The following CDH18 variants were observed in gnomAD, a reference collection of about 807,000 sequenced individuals.
The protein encoded by CDH18 is cadherin-18.
In CDH18, 31 loss-of-function variants were observed where a neutral mutation model predicts 67.9. That is an observed-to-expected ratio of 0.46 (90% CI 0.34 to 0.62). The LOEUF (loss-of-function observed/expected upper bound fraction) is 0.62, where lower values mean the gene tolerates loss of function less well. CDH18 is among the 20% of genes least tolerant of loss of function. The pLI is 0.01. For missense variants in CDH18, 890 were observed against 975.5 expected (o/e 0.91, Z 1.17); for synonymous variants, 362 against 347.2 (o/e 1.04, Z -0.48).
At chr5:19,935,856 A>T (rs1413717314) in intron 2 of CDH18, among the ~76,000 whole-genome samples, 1 of 140,744 alleles carries the variant, frequency 7.1e-6, no homozygotes, top group African/African-American at 2.7e-5. Flanking sequence ...ATGTCTTCTC[A>T]ATGCTCATTT....
rs1309212368 is a variant in CDH18 at position 20,042,965 on chromosome 5, A to AT, written c.-517-50952_-517-50951insA. Among the ~76,000 whole-genome samples, 5 of 149,216 alleles carry AT rather than the reference A, an allele frequency of 3.4e-5. No homozygotes were observed. In the South Asian group the frequency reaches 1.1e-3, roughly 32 times the overall value. On this transcript the variant is annotated intron_variant, in intron 2 of 14. Transcript: ENST00000507958. ...CGACAGAGCCAGACTCCGTCTCAAAAAAATTAATTAATTAATTAATTAATT... is the reference window on the plus strand; with the variant it reads ...CGACAGAGCCAGACTCCGTCTCAAAATAAATTAATTAATTAATTAATTAATT...
At position 19,530,938 on chromosome 5, in the gene CDH18, C is replaced by T. The variant is rs372485674; in HGVS notation, c.1391-10160G>A. 5.6e-4 allele frequency among the ~76,000 whole-genome samples: 85 copies of T among 152,228 alleles called. 2 individuals carry two copies. In the East Asian group the frequency reaches 0.013, roughly 23 times the overall value. ...CAATGCCTCGCCCTGCTTCGGCTCG[C>T]GCATGGTGTGCTGCACCCACTGTCC... On this transcript the variant is annotated intron_variant, in intron 9 of 12. Transcript: ENST00000382275.
At chr5:20,458,550 C>T (rs534833937) in intron 1 of CDH18, among the ~76,000 whole-genome samples, 5 of 151,984 alleles carry the variant, frequency 3.3e-5, no homozygotes, top group Non-Finnish European at 7.4e-5. Flanking sequence ...CCCAGGAGAC[C>T]GAGTTTGCAG....
chr5:20,333,862 A>C (rs1739432381), intron 1 of CDH18, among the ~76,000 whole-genome samples: 1 of 147,470 alleles, frequency 6.8e-6, no homozygotes, highest in African/African-American at 2.5e-5. Flanking sequence ...ATAATTCATA[A>C]GAAAAATTTA....
intron 8 of CDH18, among the ~76,000 whole-genome samples, chr5:19,557,567 T>A (rs1342396310): frequency 6.6e-6 from 1 of 151,682 alleles, no homozygotes; most frequent in Admixed American, 6.6e-5. Context: ...AAAGAACTAG[T>A]CCAACAGAAA....
At chr5:20,530,725 C>T (rs139780262) in intron 1 of CDH18, among the ~76,000 whole-genome samples, 324 of 152,138 alleles carry the variant, frequency 2.1e-3, no homozygotes, top group African/African-American at 7.5e-3. Context: ...ACAACTTACA[C>T]AAAAATTAAC....
chr5:20,407,095 C>A (rs1746333182), intron 1 of CDH18, among the ~76,000 whole-genome samples: 1 of 152,144 alleles, frequency 6.6e-6, no homozygotes, highest in East Asian at 1.9e-4. Flanking sequence ...ATACACTAGA[C>A]CCCCAGGTAT....
At chr5:20,493,591 T>A (rs1281873562) in intron 1 of CDH18, among the ~76,000 whole-genome samples, 1 of 151,960 alleles carries the variant, frequency 6.6e-6, no homozygotes, top group Non-Finnish European at 1.5e-5. Flanking sequence ...AAACTTCAAA[T>A]ATGCTCTGAA....
At chr5:19,804,732 A>G (rs879257101) in intron 3 of CDH18, among the ~76,000 whole-genome samples, 4 of 152,174 alleles carry the variant, frequency 2.6e-5, no homozygotes, top group African/African-American at 4.8e-5. Flanking sequence ...GCCCTGGATT[A>G]TTAATGAGGG....
At chr5:20,019,702 T>A (rs1160670256) in intron 2 of CDH18, among the ~76,000 whole-genome samples, 1 of 152,168 alleles carries the variant, frequency 6.6e-6, no homozygotes, top group Admixed American at 6.5e-5. Flanking sequence ...CTTTTCTTTA[T>A]AAATTACCCA....
chr5:20,421,491 C>G (rs900040896), intron 1 of CDH18, among the ~76,000 whole-genome samples: 1 of 150,562 alleles, frequency 6.6e-6, no homozygotes, highest in Non-Finnish European at 1.5e-5. Context: ...GGCCCTTTTA[C>G]GAGTAAGTGC....
rs374091359 is a variant in CDH18, at chr5:20,460,829, A to G, written c.-580+114633T>C. ...ATATTTCAAAATAATAACGATACAA[A>G]TGTCTGCTAAATCTCAACCAGATTT... On this transcript the variant is annotated intron_variant, in intron 1 of 14. Transcript: ENST00000507958. Among the ~76,000 whole-genome samples the G allele has an allele frequency of 2.2e-3, 340 of 152,310 alleles. 3 individuals carry two copies. Among genetic ancestry groups the G allele is most frequent in the African/African-American group, 8.0e-3 (331 of 41,574 alleles).
chr5:20,092,095 T>G (rs1276281611), intron 2 of CDH18, among the ~76,000 whole-genome samples: 1 of 152,094 alleles, frequency 6.6e-6, no homozygotes, highest in Non-Finnish European at 1.5e-5. Context: ...TTTACTGTAG[T>G]ATAAGATGCT....
chr5:20,254,911 T>C (rs1011928243), intron 2 of CDH18, among the ~76,000 whole-genome samples: 3 of 151,988 alleles, frequency 2.0e-5, no homozygotes, highest in Admixed American at 1.3e-4. Context: ...GTGGTACATA[T>C]ACACCATGGA....
Position 19,520,797 on chromosome 5 carries a change from T to C in CDH18, c.1391-19A>G. 1 of 1,611,970 alleles carries C rather than the reference T, an allele frequency of 6.2e-7. No homozygotes were observed. The highest frequency in any genetic ancestry group is 1.1e-5 in the South Asian group (1 of 90,848). ...GGATTATCTGCAAAATACACAGGAA[T>C]GTATTTAGTATTTCCATGCACACTT... On this transcript the variant is annotated intron_variant, in intron 9 of 12. Transcript: ENST00000382275.
At chr5:19,901,311 T>A (rs1322810727) in intron 2 of CDH18, among the ~76,000 whole-genome samples, 1 of 152,128 alleles carries the variant, frequency 6.6e-6, no homozygotes, top group Non-Finnish European at 1.5e-5. Flanking sequence ...AATTTTAACA[T>A]CAGTAACAGA....
chr5:20,002,763 C>A (rs1298768078), intron 2 of CDH18, among the ~76,000 whole-genome samples: 1 of 152,118 alleles, frequency 6.6e-6, no homozygotes, highest in Non-Finnish European at 1.5e-5. Context: ...CTCTGAAAAG[C>A]AAAAGGCAGG....
At chr5:19,924,893 T>C (rs944957336) in intron 2 of CDH18, among the ~76,000 whole-genome samples, 4 of 152,070 alleles carry the variant, frequency 2.6e-5, no homozygotes, top group African/African-American at 9.7e-5. Flanking sequence ...TCTTCTCTAT[T>C]TGACAAAGTG....
intron 2 of CDH18, among the ~76,000 whole-genome samples, chr5:19,894,920 T>G (rs1789145884): frequency 6.6e-6 from 1 of 152,174 alleles, no homozygotes; most frequent in Non-Finnish European, 1.5e-5. Flanking sequence ...GGTGAATTTT[T>G]CTCTCTGATG....
Sources: allele counts gnomAD v4.1 joint callset (sites outside exome capture counted in the v4.1 genomes callset), GRCh38; gene constraint gnomAD v4.1.1; transcripts MANE v1.5; gene names NCBI Gene and HGNC (gene_info 2026-07-23, HGNC 2026-07-21).